Variants in CTSH observed in about 807,000 individuals in gnomAD.
CTSH encodes the protein pro-cathepsin H.
A neutral mutation model predicts 56.3 loss-of-function variants in CTSH; 52 were observed. The observed-to-expected ratio is 0.92, with a 90% CI of 0.74 to 1.16. The LOEUF (loss-of-function observed/expected upper bound fraction) is 1.16. CTSH is among the 50% of genes most tolerant of loss of function. The pLI is 0.00. For missense variants in CTSH, 406 were observed against 424.5 expected (o/e 0.96, Z 0.38); for synonymous variants, 174 against 155.7 (o/e 1.12, Z -0.88).
intron 1 of CTSH, among the ~76,000 whole-genome samples, chr15:78,939,449 G>A (rs977794348): frequency 2.0e-5 from 3 of 152,286 alleles, no homozygotes; most frequent in African/African-American, 2.4e-5. Flanking sequence ...AAGCACTTCC[G>A]GGATGCTGCT....
intron 5 of CTSH, 31 bp downstream of exon 5, chr15:78,934,947 G>T: frequency 1.4e-6 from 2 of 1,437,618 alleles, no homozygotes; most frequent in Non-Finnish European, 2.0e-6. Flanking sequence ...TGGCCGTTTT[G>T]CAGGGAGAGG....
chr15:78,930,386 G>A (rs60478353), intron 7 of CTSH, among the ~76,000 whole-genome samples: 83 of 152,238 alleles, frequency 5.5e-4, no homozygotes, highest in African/African-American at 1.9e-3. Context: ...AATTAGCCAG[G>A]TGTGGTGGCG....
At chr15:78,944,075 C>T (rs966815119) in intron 1 of CTSH, among the ~76,000 whole-genome samples, 1 of 152,220 alleles carries the variant, frequency 6.6e-6, no homozygotes, top group Non-Finnish European at 1.5e-5. Context: ...GGGCACCCCC[C>T]CTCCCTAGGT....
intron 2 of CTSH, 78 bp from the exon 3 acceptor site, chr15:78,937,501 G>C: frequency 7.1e-7 from 1 of 1,412,862 alleles, no homozygotes; most frequent in Non-Finnish European, 9.8e-7. Context: ...GTTTTCCTAA[G>C]AGGAAAGATG....
At chr15:78,939,016 A>G (rs1412948855) in intron 2 of CTSH, 124 bp downstream of exon 2, 6 of 853,374 alleles carry the variant, frequency 7.0e-6, no homozygotes, top group Non-Finnish European at 9.5e-6. Context: ...CAACTTCTGG[A>G]AAGACCCCAC....
chr15:78,938,993 T>C (rs779793524), intron 2 of CTSH, 147 bp downstream of exon 2: 22 of 723,256 alleles, frequency 3.0e-5, no homozygotes, highest in Non-Finnish European at 5.1e-5. Flanking sequence ...TCTTTCCCAG[T>C]GTTTGGCCAG....
chr15:78,932,617 C>T (rs1195221520), intron 5 of CTSH, among the ~76,000 whole-genome samples, 159 bp from the exon 6 acceptor site: 2 of 150,956 alleles, frequency 1.3e-5, no homozygotes, highest in Non-Finnish European at 2.9e-5. Flanking sequence ...TTCTGAGCCT[C>T]GCAGGCCCTG....
chr15:78,937,598 C>A lies in CTSH; in HGVS notation c.124-175G>T, dbSNP rs562657607. ...AGAAATTTGGGAAGTTACAAAACAACCCCGTTTTCAGGGACCTGTGGCCAG... is the reference window on the plus strand; with the variant it reads ...AGAAATTTGGGAAGTTACAAAACAAACCCGTTTTCAGGGACCTGTGGCCAG... On this transcript the variant is annotated intron_variant, in intron 2 of 11. Transcript: ENST00000220166. 1.5e-4 allele frequency: 214 copies of A among 1,411,334 alleles called. 2 individuals carry two copies. In the South Asian group the frequency reaches 2.8e-3, roughly 18 times the overall value. The allele number at this position is 1,411,334 out of a possible 1,614,324, so 87.4% of individuals were successfully genotyped here. A position where few individuals can be genotyped will look rare whatever the true frequency, so the allele number is the denominator to read the frequency against.
At position 78,927,732 on chromosome 15, in the gene CTSH, T is replaced by A. The variant is rs1224947910; in HGVS notation, c.680A>T (p.Asp227Val). ...ACTCACGATTGTGATGTTGGCTACA[T>A]CCTTGACAAAGCCGATGGCCTTTCC... ...QPGKAIGFVK[D>V]VANITIYDEE... Residue 227 changes from aspartate (D) to valine (V), a missense_variant, in exon 9 of 12, where the codon GAT becomes GTT. Coordinates refer to ENST00000220166, the MANE Select transcript of CTSH (RefSeq NM_004390.5). 7 of 1,614,046 alleles carry A rather than the reference T, an allele frequency of 4.3e-6. No individual in the cohort carries two copies. In the South Asian group the frequency reaches 7.7e-5, roughly 18 times the overall value.
intron 11 of CTSH, among the ~76,000 whole-genome samples, chr15:78,922,569 A>G (rs2054795308): frequency 6.6e-6 from 1 of 152,122 alleles, no homozygotes; most frequent in African/African-American, 2.4e-5. Context: ...GGACAGGACA[A>G]AGGCACAGCA....
chr15:78,924,692 AT>A lies in CTSH; in HGVS notation c.806+641del, dbSNP rs557517206. 6.7e-3 allele frequency among the ~76,000 whole-genome samples: 974 copies of A among 144,848 alleles called. 10 individuals carry two copies. Among genetic ancestry groups the A allele is most frequent in the African/African-American group, 0.022 (863 of 39,242 alleles). ...CGTCTTCAAATCTTTAAACATGGGT[AT>A]TTTTTTTTTTTTCTGAGACAGAGCT... On this transcript the variant is annotated intron_variant, in intron 10 of 11. Coordinates refer to ENST00000220166, the MANE Select transcript of CTSH (RefSeq NM_004390.5).
At chr15:78,937,786 A>G (rs1372440335) in intron 2 of CTSH, 3 of 1,303,240 alleles carry the variant, frequency 2.3e-6, no homozygotes, top group Non-Finnish European at 3.0e-6. Flanking sequence ...GTGTTCCCCA[A>G]CTGATTCTGC....
Position 78,937,425 on chromosome 15 carries a change from TAAAAC to T in CTSH, c.124-7_124-3del. ...CTCCGTACTGTAGGTCTTACGGTGC[TAAAAC>T]AAAACACGCCAGTAGCAAGTCATGG... is the stretch of plus-strand genomic sequence containing the variant. On this transcript the variant is annotated splice_region_variant and splice_polypyrimidine_tract_variant and intron_variant, in intron 2 of 11. Coordinates refer to ENST00000220166, the MANE Select transcript of CTSH (RefSeq NM_004390.5). 6.2e-7 allele frequency: 1 copy of T among 1,612,882 alleles called. No homozygotes were observed. The highest frequency in any genetic ancestry group is 1.7e-4 in the Middle Eastern group (1 of 6,034).
intron 1 of CTSH, among the ~76,000 whole-genome samples, chr15:78,942,140 C>T (rs2141559069): frequency 6.6e-6 from 1 of 151,924 alleles, no homozygotes; most frequent in East Asian, 1.9e-4. Flanking sequence ...CCACTTAATT[C>T]TTCGCACTCC....
intron 1 of CTSH, among the ~76,000 whole-genome samples, chr15:78,942,215 CTTTTTTT>C (rs35548397): frequency 9.1e-6 from 1 of 110,352 alleles, no homozygotes; most frequent in Non-Finnish European, 1.8e-5. Flanking sequence ...TTCTTTCCTT[CTTTTTTT>C]TTTTTTTTTT....
At chr15:78,940,851 C>G (rs1434189932) in intron 1 of CTSH, among the ~76,000 whole-genome samples, 2 of 151,992 alleles carry the variant, frequency 1.3e-5, no homozygotes, top group African/African-American at 4.8e-5. Flanking sequence ...CCCAGCTACT[C>G]AGGAGGCTGA....
intron 7 of CTSH, among the ~76,000 whole-genome samples, chr15:78,929,842 G>T (rs1183358146): frequency 6.6e-6 from 1 of 152,204 alleles, no homozygotes; most frequent in Non-Finnish European, 1.5e-5. Context: ...TCCCAGGCAT[G>T]ACTCCCTGAC....
chr15:78,939,352 C>A (rs1026941490), intron 1 of CTSH, among the ~76,000 whole-genome samples, 181 bp from the exon 2 acceptor site: 2 of 152,076 alleles, frequency 1.3e-5, no homozygotes, highest in Non-Finnish European at 2.9e-5. Context: ...GGTTTTGTAC[C>A]CCAAATTAAT....
intron 2 of CTSH, 134 bp from the exon 3 acceptor site, chr15:78,937,557 G>A (rs2055202629): frequency 7.5e-7 from 1 of 1,338,508 alleles, no homozygotes; most frequent in Admixed American, 2.7e-5. Flanking sequence ...CTGTGTTAAT[G>A]GGCGGGGTAC....
Sources: gnomAD v4.1 joint callset for allele counts (sites outside exome capture counted in the v4.1 genomes callset) on GRCh38, gnomAD v4.1.1 for gene constraint, MANE v1.5 for transcripts, NCBI Gene and HGNC (gene_info 2026-07-23, HGNC 2026-07-21) for gene names.